The following TMEM87B variants were observed in gnomAD, a reference collection of about 807,000 sequenced individuals.
The protein encoded by TMEM87B is transmembrane protein 87B.
A neutral mutation model predicts 80.3 loss-of-function variants in TMEM87B; 83 were observed. The ratio of observed to expected loss-of-function variants is 1.03; its 90% CI spans 0.87 to 1.24. The LOEUF (loss-of-function observed/expected upper bound fraction) is 1.24, where lower values mean the gene tolerates loss of function less well. TMEM87B is among the 50% of genes most tolerant of loss of function. TMEM87B has a pLI of 0.00. For synonymous variants in TMEM87B, 219 were observed against 230.5 expected, an observed-to-expected ratio of 0.95 and a Z score of 0.45; for missense variants, 625 against 674.4, an observed-to-expected ratio of 0.93 and a Z score of 0.81.
chr2:112,077,613 A>G (rs1054470779), intron 6 of TMEM87B, among the ~76,000 whole-genome samples: 6 of 152,200 alleles, frequency 3.9e-5, no homozygotes, highest in South Asian at 2.1e-4. Flanking sequence ...GTGTATTTCA[A>G]GTAGGTTATG....
chr2:112,073,342 G>A (rs1416557031), intron 4 of TMEM87B, among the ~76,000 whole-genome samples: 2 of 152,098 alleles, frequency 1.3e-5, no homozygotes, highest in Admixed American at 6.5e-5. Context: ...CTTGATTTCT[G>A]CCTTAATTTC....
chr2:112,093,087 A>G (rs1377106308), intron 11 of TMEM87B, among the ~76,000 whole-genome samples: 1 of 152,140 alleles, frequency 6.6e-6, no homozygotes, highest in Admixed American at 6.5e-5. Context: ...TGTGTCTCAT[A>G]GGAAGGGCCA....
chr2:112,081,917 C>T (rs1284892856), intron 8 of TMEM87B, among the ~76,000 whole-genome samples: 1 of 152,102 alleles, frequency 6.6e-6, no homozygotes, highest in African/African-American at 2.4e-5. Context: ...GGAAATTGGC[C>T]GCAGGGAGTA....
At chr2:112,068,171 G>A (rs762512549) in intron 4 of TMEM87B, among the ~76,000 whole-genome samples, 2 of 152,140 alleles carry the variant, frequency 1.3e-5, no homozygotes, top group Admixed American at 6.5e-5. Flanking sequence ...CCGAGATCAC[G>A]CCATTGCACT....
chr2:112,085,949 G>T, intron 8 of TMEM87B, 56 bp from the exon 9 acceptor site: 1 of 1,447,456 alleles, frequency 6.9e-7, no homozygotes, highest in Admixed American at 1.8e-5. Flanking sequence ...GAGAATCTTG[G>T]TTGGCAGGCT....
intron 14 of TMEM87B, among the ~76,000 whole-genome samples, chr2:112,099,882 C>CAA (rs57117477): frequency 6.2e-4 from 42 of 67,910 alleles, no homozygotes; most frequent in Middle Eastern, 0.018. Flanking sequence ...GACCCTGTCT[C>CAA]AAAAAAAAAA....
chr2:112,072,150 T>A (rs770450445), intron 4 of TMEM87B, among the ~76,000 whole-genome samples: 4 of 152,216 alleles, frequency 2.6e-5, no homozygotes, highest in Non-Finnish European at 5.9e-5. Flanking sequence ...CATGGTAGAT[T>A]AACTTTTTGA....
intron 11 of TMEM87B, among the ~76,000 whole-genome samples, chr2:112,096,431 C>G (rs1206350818): frequency 6.6e-6 from 1 of 152,180 alleles, no homozygotes; most frequent in African/African-American, 2.4e-5. Flanking sequence ...TGCCTGACCT[C>G]TGAGACTCTT....
At chr2:112,112,834 G>A (rs370244613) in intron 17 of TMEM87B, 65 bp from the exon 18 acceptor site, 1 of 1,503,402 alleles carries the variant, frequency 6.7e-7, no homozygotes, top group African/African-American at 1.4e-5. Context: ...CCTGTATTCG[G>A]CTTTCGTGGA....
chr2:112,091,931 A>G, intron 11 of TMEM87B, 148 bp downstream of exon 11: 1 of 625,992 alleles, frequency 1.6e-6, no homozygotes, highest in Non-Finnish European at 2.7e-6. Context: ...AGTAGCAACT[A>G]CCCAAACAAG....
chr2:112,083,510 A>G (rs548622834), intron 8 of TMEM87B, among the ~76,000 whole-genome samples: 6 of 152,354 alleles, frequency 3.9e-5, no homozygotes, highest in African/African-American at 4.8e-5. Context: ...GACCACTTCC[A>G]TCATTGCAAA....
intron 11 of TMEM87B, chr2:112,095,081 A>G (rs988058682): frequency 1.8e-5 from 14 of 757,072 alleles, no homozygotes; most frequent in Non-Finnish European, 2.1e-5. Context: ...TTCAAAAGCC[A>G]TAGCCTTAGC....
intron 15 of TMEM87B, among the ~76,000 whole-genome samples, chr2:112,105,531 C>G (rs1055703603): frequency 6.6e-6 from 1 of 152,196 alleles, no homozygotes; most frequent in Non-Finnish European, 1.5e-5. Context: ...AAACTGCAAA[C>G]ATGCAGAAGA....
intron 4 of TMEM87B, among the ~76,000 whole-genome samples, chr2:112,070,401 AGT>A (rs551061545): frequency 4.7e-4 from 71 of 152,338 alleles, no homozygotes; most frequent in Admixed American, 3.5e-3. Context: ...ATGGCTAGCC[AGT>A]TATCCCAGCA....
chr2:112,078,434 G>T (rs1327537150), intron 6 of TMEM87B, among the ~76,000 whole-genome samples: 3 of 152,120 alleles, frequency 2.0e-5, no homozygotes, highest in Non-Finnish European at 2.9e-5. Context: ...GCTCTCACGG[G>T]GTGGAGGCAG....
At chr2:112,106,559 A>C (rs968838383) in intron 16 of TMEM87B, among the ~76,000 whole-genome samples, 1 of 152,104 alleles carries the variant, frequency 6.6e-6, no homozygotes, top group Non-Finnish European at 1.5e-5. Context: ...CGGTTACCAA[A>C]ATTAACAGAT....
chr2:112,081,274 A>G, intron 7 of TMEM87B, 61 bp from the exon 8 acceptor site: 1 of 1,486,766 alleles, frequency 6.7e-7, no homozygotes, highest in Non-Finnish European at 9.2e-7. Flanking sequence ...TTGAATGTAG[A>G]AGTGCCAACT....
At chr2:112,081,286 T>C (rs950389144) in intron 7 of TMEM87B, 49 bp from the exon 8 acceptor site, 22 of 1,537,230 alleles carry the variant, frequency 1.4e-5, no homozygotes, top group Non-Finnish European at 1.9e-5. Context: ...GTGCCAACTT[T>C]CAAATGACCA....
At chr2:112,063,665 T>A (rs1274598318) in intron 2 of TMEM87B, among the ~76,000 whole-genome samples, 1 of 152,230 alleles carries the variant, frequency 6.6e-6, no homozygotes, top group African/African-American at 2.4e-5. Flanking sequence ...CATGCTCTCC[T>A]GGGCTATGAT....
Sources: gnomAD v4.1 joint callset for allele counts (sites outside exome capture counted in the v4.1 genomes callset) on GRCh38, gnomAD v4.1.1 for gene constraint, MANE v1.5 for transcripts, NCBI Gene and HGNC (gene_info 2026-07-23, HGNC 2026-07-21) for gene names.